The following KTN1 variants were observed in gnomAD, a reference collection of about 807,000 sequenced individuals.
The protein encoded by KTN1 is kinectin.
KTN1 carries 130 observed loss-of-function variants against 222.5 expected under a neutral mutation model. The observed-to-expected ratio is 0.58, with a 90% CI of 0.51 to 0.68. The LOEUF is 0.68. Among genes scored for constraint, KTN1 ranks in the 30% least tolerant of loss-of-function variants. The pLI is 0.00. For synonymous variants in KTN1, 512 were observed against 496.3 expected (o/e 1.03, Z -0.42); for missense variants, 1,508 against 1,500.4 (o/e 1.01, Z -0.08).
Position 55,633,326 on chromosome 14 carries a change from A to G in KTN1, c.1313A>G (p.Asn438Ser). The G allele has an allele frequency of 6.4e-7, 1 of 1,561,218 alleles. No individual in the cohort carries two copies. Among genetic ancestry groups the G allele is most frequent in the South Asian group, 1.2e-5 (1 of 82,410 alleles). ...AGAGATGCAGTCAGCAACACTACAAATCAACTGGAAAGCAAGTATGTTTCC... is the reference window on the plus strand; with the variant it reads ...AGAGATGCAGTCAGCAACACTACAAGTCAACTGGAAAGCAAGTATGTTTCC... ...ILRDAVSNTTNQLESKQSAEL... is the reference protein window; with the variant it reads ...ILRDAVSNTTSQLESKQSAEL... Residue 438 changes from asparagine (N) to serine (S), a missense_variant, in exon 8 of 44, where the codon AAT (asparagine) becomes AGT (serine). Asn to Ser is a conservative substitution (Grantham distance 46). Transcript: ENST00000395314.
At chr14:55,630,567 C>T (rs939505657) in intron 7 of KTN1, among the ~76,000 whole-genome samples, 1 of 151,982 alleles carries the variant, frequency 6.6e-6, no homozygotes, top group Non-Finnish European at 1.5e-5. Context: ...CAGGTGTTAC[C>T]AGTACAGATT....
rs540228280 is a variant in KTN1, at chr14:55,584,986, G to A, written c.-31+4632G>A. ...CATCTTTAAAAAGAATATAAAAATA[G>A]CCAGGCATGGTAGCGTGTGCCTGTG... On this transcript the variant is annotated intron_variant, in intron 1 of 43. Coordinates refer to ENST00000395314, the MANE Select transcript of KTN1 (RefSeq NM_001079521.2). 3.2e-4 allele frequency among the ~76,000 whole-genome samples: 48 copies of A among 152,042 alleles called. No homozygotes were observed. The South Asian group carries it at 9.4e-3, about 30-fold the overall frequency.
chr14:55,679,631 C>T lies in KTN1; in HGVS notation c.4015C>T (p.Leu1339Phe), dbSNP rs1344613897. Residue 1339 changes from leucine (L) to phenylalanine (F), a missense_variant, in exon 43 of 44, where the codon CTT becomes TTT. Leu to Phe is a conservative substitution (Grantham distance 22). Transcript: ENST00000395314. ...NQTVTQLQQL[L>F]QAVNQQLTKE... ...GACTGTAACACAGTTACAGCAGTTG[C>T]TTCAGGCGGTAAACCAACAGCTCAC... 3 of 1,613,358 alleles carry T rather than the reference C, an allele frequency of 1.9e-6. No homozygotes were observed. The highest frequency in any genetic ancestry group is 3.3e-4 in the Middle Eastern group (2 of 6,060).
chr14:55,662,486 A>G (rs2044257975), intron 32 of KTN1, among the ~76,000 whole-genome samples: 1 of 152,182 alleles, frequency 6.6e-6, no homozygotes, highest in South Asian at 2.1e-4. Context: ...TTTCAGAAAT[A>G]TGAACCCTAA....
At chr14:55,598,922 C>G (rs1355120337) in intron 1 of KTN1, among the ~76,000 whole-genome samples, 1 of 152,122 alleles carries the variant, frequency 6.6e-6, no homozygotes, top group East Asian at 1.9e-4. Context: ...TTTCTTTGTT[C>G]TTTCCTCTCC....
chr14:55,683,795 A>T (rs150537235), intron 43 of KTN1: 16 of 291,914 alleles, frequency 5.5e-5, no homozygotes, highest in African/African-American at 3.5e-4. Flanking sequence ...AGTGCTACTC[A>T]CTCACTTTAG....
intron 33 of KTN1, among the ~76,000 whole-genome samples, chr14:55,664,634 G>GTA (rs2044500082): frequency 6.6e-6 from 1 of 152,118 alleles, no homozygotes; most frequent in African/African-American, 2.4e-5. Flanking sequence ...CTTGACCAGA[G>GTA]TATGTAAAGT....
intron 1 of KTN1, among the ~76,000 whole-genome samples, chr14:55,593,436 A>AC (rs59170918): frequency 0.21 from 19,096 of 88,916 alleles, 2,021 homozygotes; most frequent in East Asian, 0.29. Context: ...AGAAATAGAC[A>AC]CCCCCCCCCC....
chr14:55,626,219 A>T (rs953946959), intron 5 of KTN1, among the ~76,000 whole-genome samples: 2 of 151,682 alleles, frequency 1.3e-5, no homozygotes, highest in Admixed American at 1.3e-4. Context: ...AAAAAAAAAA[A>T]CCCTAACACA....
intron 1 of KTN1, among the ~76,000 whole-genome samples, chr14:55,607,698 T>C (rs191107949): frequency 1.3e-5 from 2 of 152,276 alleles, no homozygotes; most frequent in Admixed American, 6.5e-5. Flanking sequence ...TTATGACTTA[T>C]GTGTGATGAG....
chr14:55,637,926 A>G (rs897381430), intron 12 of KTN1, 79 bp downstream of exon 12: 6 of 1,010,222 alleles, frequency 5.9e-6, no homozygotes, highest in South Asian at 1.5e-5. Context: ...TTGAGTGCCA[A>G]TTACTGGATT....
At chr14:55,645,107 A>G (rs1286024780) in intron 18 of KTN1, among the ~76,000 whole-genome samples, 1 of 152,154 alleles carries the variant, frequency 6.6e-6, no homozygotes, top group Admixed American at 6.6e-5. Context: ...GAGATAATGC[A>G]TTCTATTAAT....
At position 55,630,735 on chromosome 14, in the gene KTN1, C is replaced by T. The variant is rs190892890; in HGVS notation, c.1221+638C>T. ...GGAGCCAGTGAAGGAGTTTAAGCAA[C>T]GCAGCAGTCGCTGGAATTATACTAC... On this transcript the variant is annotated intron_variant, in intron 7 of 43. Coordinates refer to ENST00000395314, the MANE Select transcript of KTN1 (RefSeq NM_001079521.2). Among the ~76,000 whole-genome samples, 13 of 152,274 alleles carry T rather than the reference C, an allele frequency of 8.5e-5. 1 individual carries two copies. The highest frequency in any genetic ancestry group is 6.2e-4 in the South Asian group (3 of 4,818).
In KTN1 at chr14:55,616,543, C is replaced by G; in HGVS notation, c.550C>G (p.Leu184Val). ...TGACCAGGATAAAAAGGTGGAAACTCTCATGGTACCATCAAAAAGGCAAGA... is the reference window on the plus strand; with the variant it reads ...TGACCAGGATAAAAAGGTGGAAACTGTCATGGTACCATCAAAAAGGCAAGA... ...SDDQDKKVET[L>V]MVPSKRQEAL... Residue 184 changes from leucine (L) to valine (V), a missense_variant, in exon 3 of 44, where the codon CTC becomes GTC. Transcript: ENST00000395314. 1 of 1,598,448 alleles carries G rather than the reference C, an allele frequency of 6.3e-7. No individual in the cohort carries two copies. Among genetic ancestry groups the G allele is most frequent in the Non-Finnish European group, 8.5e-7 (1 of 1,176,042 alleles).
intron 18 of KTN1, among the ~76,000 whole-genome samples, chr14:55,646,074 G>A (rs1322026768): frequency 1.3e-5 from 2 of 152,138 alleles, no homozygotes; most frequent in East Asian, 1.9e-4. Flanking sequence ...GGAATACTGA[G>A]GGAGAAATCC....
intron 27 of KTN1, 31 bp downstream of exon 27, chr14:55,653,116 C>G (rs753533841): frequency 7.6e-7 from 1 of 1,315,838 alleles, no homozygotes; most frequent in East Asian, 2.3e-5. Flanking sequence ...CAACATGTTA[C>G]ATAAGGAATG....
chr14:55,676,704 T>G (rs2045914299), intron 41 of KTN1, among the ~76,000 whole-genome samples: 1 of 152,236 alleles, frequency 6.6e-6, no homozygotes, highest in Non-Finnish European at 1.5e-5. Flanking sequence ...TTTGATATTC[T>G]AATAGATTTT....
chr14:55,648,020 T>C lies in KTN1; in HGVS notation c.2208-5T>C. On this transcript the variant is annotated splice_region_variant and splice_polypyrimidine_tract_variant and intron_variant, in intron 19 of 43. Coordinates refer to ENST00000395314, the MANE Select transcript of KTN1 (RefSeq NM_001079521.2). ...AATACATGTGTTACAAATTTATAAT[T>C]TCAGCATTCAAGAAAAAGATGAGAA... The C allele has an allele frequency of 2.2e-6, 3 of 1,343,970 alleles. No individual in the cohort carries two copies. Among genetic ancestry groups the C allele is most frequent in the Non-Finnish European group, 3.0e-6 (3 of 984,574 alleles). The allele number at this position is 1,343,970 out of a possible 1,614,324, so 83.3% of individuals were successfully genotyped here. A position where few individuals can be genotyped will look rare whatever the true frequency, so the allele number is the denominator to read the frequency against.
intron 1 of KTN1, among the ~76,000 whole-genome samples, chr14:55,605,555 A>G (rs998210352): frequency 5.9e-5 from 9 of 152,162 alleles, no homozygotes; most frequent in African/African-American, 1.9e-4. Flanking sequence ...TTTTTGGCTG[A>G]CATATCCAAG....
Sources: allele counts gnomAD v4.1 joint callset (sites outside exome capture counted in the v4.1 genomes callset), GRCh38; gene constraint gnomAD v4.1.1; transcripts MANE v1.5; gene names NCBI Gene and HGNC (gene_info 2026-07-23, HGNC 2026-07-21).